The following EIF3G variants were observed in gnomAD, a reference collection of about 807,000 sequenced individuals.
EIF3G encodes eukaryotic translation initiation factor 3 subunit G, also known as eukaryotic translation initiation factor 3 RNA-binding subunit.
A neutral mutation model predicts 41.7 loss-of-function variants in EIF3G; 10 were observed. The observed-to-expected ratio is 0.24, with a 90% CI of 0.15 to 0.41. The LOEUF (loss-of-function observed/expected upper bound fraction) is 0.41, where lower values mean the gene tolerates loss of function less well. EIF3G is among the 10% of genes least tolerant of loss of function. The probability of loss-of-function intolerance (pLI) is 1.00; values close to 1 mark genes in which losing one functional copy is unlikely to be tolerated. For synonymous variants in EIF3G, 204 were observed against 172.5 expected (o/e 1.18, Z -1.43); for missense variants, 297 against 444.0 (o/e 0.67, Z 2.98).
intron 5 of EIF3G, 124 bp downstream of exon 5, chr19:10,118,544 G>A (rs939366488): frequency 1.8e-6 from 2 of 1,099,710 alleles, no homozygotes; most frequent in African/African-American, 1.6e-5. Flanking sequence ...CAGCCTGGGG[G>A]ACAGAGCAAC....
intron 2 of EIF3G, 55 bp downstream of exon 2, chr19:10,119,599 C>T: frequency 6.5e-7 from 1 of 1,543,022 alleles, no homozygotes; most frequent in Non-Finnish European, 8.8e-7. Flanking sequence ...AAGCAGGCGG[C>T]AGTCACACGG....
chr19:10,119,175 C>A lies in EIF3G; in HGVS notation c.68-4G>T, dbSNP rs1227932625. 4 of 1,572,504 alleles carry A rather than the reference C, an allele frequency of 2.5e-6. No individual in the cohort carries two copies. The South Asian group carries it at 4.6e-5, about 18-fold the overall frequency. ...AGCTCGCTGGTGACACATTTGTCTG[C>A]AAAAGGCAGCGTAGGAAGGAGGAGT... On this transcript the variant is annotated splice_polypyrimidine_tract_variant and splice_region_variant and intron_variant, in intron 2 of 10. Coordinates refer to ENST00000253108, the MANE Select transcript of EIF3G (RefSeq NM_003755.5).
In EIF3G at chr19:10,116,096, AGTTC is replaced by A; in HGVS notation, c.596-26_596-23del. ...AGCTCTGGGGACCAAAAGACAGTCA[AGTTC>A]AACCTCACTGTGGCGCAGGCGTGGG... On this transcript the variant is annotated intron_variant, in intron 7 of 10. Transcript: ENST00000253108. The surrounding 1 kb of genome is among the most constrained non-coding windows in gnomAD (Gnocchi z 4.1). 5.0e-6 allele frequency: 8 copies of A among 1,609,728 alleles called. No individual in the cohort carries two copies. The highest frequency in any genetic ancestry group is 6.8e-6 in the Non-Finnish European group (8 of 1,177,152).
chr19:10,119,798 C>T, intron 1 of EIF3G, 42 bp downstream of exon 1: 1 of 1,614,224 alleles, frequency 6.2e-7, no homozygotes, highest in East Asian at 2.2e-5. Context: ...CCCAGAGCAC[C>T]CCAACCGCTT....
In EIF3G at chr19:10,116,119, G is replaced by C. The variant is rs774572051; in HGVS notation, c.596-45C>G. ...CAAGTTCAACCTCACTGTGGCGCAG[G>C]CGTGGGGACAGAGCCGCCCCAGGAA... On this transcript the variant is annotated intron_variant, in intron 7 of 10. Transcript: ENST00000253108. This position sits in a 1 kb window ranked among gnomAD's most constrained non-coding sequence, Gnocchi z 4.1. The C allele has an allele frequency of 4.6e-5, 73 of 1,581,428 alleles. No individual in the cohort carries two copies. Among genetic ancestry groups the C allele is most frequent in the Non-Finnish European group, 5.9e-5 (68 of 1,157,372 alleles).
At chr19:10,119,601 G>A (rs1287786142) in intron 2 of EIF3G, 53 bp downstream of exon 2, 4 of 1,548,804 alleles carry the variant, frequency 2.6e-6, no homozygotes, top group South Asian at 1.2e-5. Context: ...GCAGGCGGCA[G>A]TCACACGGCT....
In EIF3G at chr19:10,116,171, C is replaced by T. The variant is rs2089245962; in HGVS notation, c.596-97G>A. The T allele has an allele frequency of 1.9e-5, 24 of 1,276,836 alleles. No individual in the cohort carries two copies. The East Asian group carries it at 5.8e-4, about 31-fold the overall frequency. 79.1% of individuals were successfully genotyped at this position (1,276,836 alleles called of 1,614,324 possible). A position where few individuals can be genotyped will look rare whatever the true frequency, so the allele number is the denominator to read the frequency against. ...CTCGGGCTTCAGTGTTGAGCCAGCG[C>T]AGGCACTGTGTGCCAAACCACAGGC... On this transcript the variant is annotated intron_variant, in intron 7 of 10. Transcript: ENST00000253108. The surrounding 1 kb of genome is among the most constrained non-coding windows in gnomAD (Gnocchi z 4.1).
At position 10,115,838 on chromosome 19, in the gene EIF3G, G is replaced by A. The variant is rs772631789; in HGVS notation, c.704-18C>T. On this transcript the variant is annotated intron_variant, in intron 8 of 10. Coordinates refer to ENST00000253108, the MANE Select transcript of EIF3G (RefSeq NM_003755.5). Reference sequence around the variant, plus strand: ...GTCGTCGGCTGTGTGGGAGAGGGGAGGTGGCTGTGAGGGGGAGGACACTGC... The same window carrying A: ...GTCGTCGGCTGTGTGGGAGAGGGGAAGTGGCTGTGAGGGGGAGGACACTGC... 9.3e-6 allele frequency: 15 copies of A among 1,609,944 alleles called. No individual in the cohort carries two copies. Among genetic ancestry groups the A allele is most frequent in the East Asian group, 2.2e-5 (1 of 44,852 alleles).
chr19:10,116,148 C>T lies in EIF3G; in HGVS notation c.596-74G>A, dbSNP rs1014893425. On this transcript the variant is annotated intron_variant, in intron 7 of 10. Transcript: ENST00000253108. The surrounding 1 kb of genome is among the most constrained non-coding windows in gnomAD (Gnocchi z 4.1). ...GGGGACAGAGCCGCCCCAGGAAGCTCGGGCTTCAGTGTTGAGCCAGCGCAG... is the reference window on the plus strand; with the variant it reads ...GGGGACAGAGCCGCCCCAGGAAGCTTGGGCTTCAGTGTTGAGCCAGCGCAG... 45 of 1,467,150 alleles carry T rather than the reference C, an allele frequency of 3.1e-5. No homozygotes were observed. The highest frequency in any genetic ancestry group is 8.0e-5 in the Admixed American group (4 of 49,764). The allele number at this position is 1,467,150 out of a possible 1,614,324, so 90.9% of individuals were successfully genotyped here.
At chr19:10,117,980 A>C (rs1304204821) in intron 5 of EIF3G, 1 of 152,312 alleles carries the variant, frequency 6.6e-6, no homozygotes, top group Non-Finnish European at 1.5e-5. Context: ...TGAGCCTGGG[A>C]GTTCAAGGCT....
chr19:10,116,090 C>CA lies in EIF3G; in HGVS notation c.596-17dup. ...GGCTCTAGCTCTGGGGACCAAAAGA[C>CA]AGTCAAGTTCAACCTCACTGTGGCG... On this transcript the variant is annotated splice_polypyrimidine_tract_variant and intron_variant, in intron 7 of 10. Coordinates refer to ENST00000253108, the MANE Select transcript of EIF3G (RefSeq NM_003755.5). The surrounding 1 kb of genome is among the most constrained non-coding windows in gnomAD (Gnocchi z 4.1). 6.2e-7 allele frequency: 1 copy of CA among 1,611,608 alleles called. No homozygotes were observed. The highest frequency in any genetic ancestry group is 8.5e-7 in the Non-Finnish European group (1 of 1,178,630).
intron 4 of EIF3G, 36 bp from the exon 5 acceptor site, chr19:10,118,763 G>A (rs1163525078): frequency 1.2e-6 from 2 of 1,612,526 alleles, no homozygotes; most frequent in African/African-American, 1.3e-5. Flanking sequence ...AGGCTCCTGG[G>A]ACCAAGGGAT....
At position 10,115,592 on chromosome 19, in the gene EIF3G, A is replaced by C; in HGVS notation, c.841-7T>G. The C allele has an allele frequency of 1.3e-6, 2 of 1,598,436 alleles. No homozygotes were observed. The highest frequency in any genetic ancestry group is 1.7e-6 in the Non-Finnish European group (2 of 1,170,074). ...AGCTGATGAAGGCAAAGCCCTGTGGAGGGGCGGGATGGGGTCGGGCACGAG... is the reference window on the plus strand; with the variant it reads ...AGCTGATGAAGGCAAAGCCCTGTGGCGGGGCGGGATGGGGTCGGGCACGAG... On this transcript the variant is annotated splice_polypyrimidine_tract_variant and splice_region_variant and intron_variant, in intron 9 of 10. Coordinates refer to ENST00000253108, the MANE Select transcript of EIF3G (RefSeq NM_003755.5).
chr19:10,117,147 T>A lies in EIF3G; in HGVS notation c.342A>T (p.Gly114=). ...TGACAGTGGTGGTGGCCACATTGGGTCCGGGGGGGTCAAACTCTGAGTTCC... is the reference window on the plus strand; with the variant it reads ...TGACAGTGGTGGTGGCCACATTGGGACCGGGGGGGTCAAACTCTGAGTTCC... ...KFGNSEFDPP[G]PNVATTTVSD... Residue 114 remains glycine (G), a synonymous_variant, in exon 6 of 11, where the codon GGA becomes GGT. Transcript: ENST00000253108. 1 of 1,612,876 alleles carries A rather than the reference T, an allele frequency of 6.2e-7. No homozygotes were observed.
At position 10,115,557 on chromosome 19, in the gene EIF3G, C is replaced by A; in HGVS notation, c.869G>T (p.Arg290Leu). 1.9e-6 allele frequency: 3 copies of A among 1,608,276 alleles called. No individual in the cohort carries two copies. Among genetic ancestry groups the A allele is most frequent in the South Asian group, 1.1e-5 (1 of 90,868 alleles). ...KGFAFISFHR[R>L]EDAARAIAGV... is the part of the protein sequence containing the mutation. ...GGCAATGGCACGCGCAGCATCCTCG[C>A]GGCGGTGGAAGCTGATGAAGGCAAA... Residue 290 changes from arginine to leucine, a missense_variant, in exon 10 of 11, where the codon CGC becomes CTC. Physicochemically the swap from Arg to Leu is moderately radical, Grantham distance 102. Around this residue, in one of 4 missense-constraint regions of EIF3G, gnomAD observed 91 missense variants for 170.5 expected, o/e 0.53. Transcript: ENST00000253108.
chr19:10,117,047 C>A (rs747274062), intron 6 of EIF3G, 37 bp downstream of exon 6: 2 of 1,606,730 alleles, frequency 1.2e-6, no homozygotes, highest in Admixed American at 3.4e-5. Context: ...CTTTGCCCCA[C>A]CCCAGGATGC....
Position 10,116,539 on chromosome 19 carries a change from C to T in EIF3G, c.595+261G>A. ...GTGCGCACACACGATGTGGGGTGGTCAGCACCCTGGGGCCGACAGACAGCA... is the reference window on the plus strand; with the variant it reads ...GTGCGCACACACGATGTGGGGTGGTTAGCACCCTGGGGCCGACAGACAGCA... On this transcript the variant is annotated intron_variant, in intron 7 of 10. Coordinates refer to ENST00000253108, the MANE Select transcript of EIF3G (RefSeq NM_003755.5). This position sits in a 1 kb window ranked among gnomAD's most constrained non-coding sequence, Gnocchi z 4.1. 1 of 520,840 alleles carries T rather than the reference C, an allele frequency of 1.9e-6. No homozygotes were observed. The highest frequency in any genetic ancestry group is 3.4e-6 in the Non-Finnish European group (1 of 291,964). The allele number at this position is 520,840 out of a possible 1,614,324, so 32.3% of individuals were successfully genotyped here. A position where few individuals can be genotyped will look rare whatever the true frequency, so the allele number is the denominator to read the frequency against.
chr19:10,118,372 C>T, intron 5 of EIF3G: 1 of 377,782 alleles, frequency 2.6e-6, no homozygotes, highest in Non-Finnish European at 5.0e-6. Flanking sequence ...TCGAGACCAG[C>T]CTGGCCAACA....
chr19:10,116,097 GTTCAACCTCACTGTGGC>G lies in EIF3G; in HGVS notation c.596-40_596-24del, dbSNP rs747979673. ...GCTCTGGGGACCAAAAGACAGTCAA[GTTCAACCTCACTGTGGC>G]GCAGGCGTGGGGACAGAGCCGCCCC... On this transcript the variant is annotated intron_variant, in intron 7 of 10. Coordinates refer to ENST00000253108, the MANE Select transcript of EIF3G (RefSeq NM_003755.5). This position sits in a 1 kb window ranked among gnomAD's most constrained non-coding sequence, Gnocchi z 4.1. 87 of 1,609,824 alleles carry G rather than the reference GTTCAACCTCACTGTGGC, an allele frequency of 5.4e-5. No individual in the cohort carries two copies. The African/African-American group carries it at 8.4e-4, about 16-fold the overall frequency.
Sources: gnomAD v4.1 joint callset for allele counts on GRCh38, gnomAD v4.1.1 for gene constraint, gnomAD v4.1.1 regional missense constraint, Gnocchi (gnomAD v3.1) non-coding constraint, MANE v1.5 for transcripts, NCBI Gene and HGNC (gene_info 2026-07-23, HGNC 2026-07-21) for gene names.